Variants in SPACA3 observed in about 807,000 individuals in gnomAD.
The protein encoded by SPACA3 is sperm acrosome associated 3, also known as sperm acrosome membrane-associated protein 3.
A neutral mutation model predicts 24.5 loss-of-function variants in SPACA3; 21 were observed. The ratio of observed to expected loss-of-function variants is 0.86; its 90% confidence interval spans 0.61 to 1.24. The LOEUF is 1.24. Ranked by LOEUF, SPACA3 falls within the 50% of genes most tolerant of loss-of-function variation. SPACA3 has a pLI of 0.00. For missense variants in SPACA3, 278 were observed against 275.5 expected (o/e 1.01, Z -0.06); for synonymous variants, 115 against 106.9 (o/e 1.08, Z -0.47).
At chr17:32,993,916 G>C (rs1238773906) in intron 1 of SPACA3, among the ~76,000 whole-genome samples, 1 of 152,042 alleles carries the variant, frequency 6.6e-6, no homozygotes, top group Non-Finnish European at 1.5e-5. Context: ...AGCTTAGAGG[G>C]AAGATGGGCC....
At chr17:32,995,311 G>C (rs551229088) in intron 1 of SPACA3, 98 bp from the exon 2 acceptor site, 2 of 1,189,460 alleles carry the variant, frequency 1.7e-6, no homozygotes, top group African/African-American at 1.5e-5. Flanking sequence ...GGCTGGTCTC[G>C]GGGTCAGGGT....
chr17:32,997,343 G>GGA, intron 3 of SPACA3, 102 bp from the exon 4 acceptor site: 2 of 561,210 alleles, frequency 3.6e-6, no homozygotes, highest in African/African-American at 2.6e-5. Context: ...GTGTGTGTGT[G>GGA]TAGAGAGAGA....
chr17:32,997,152 G>A, intron 3 of SPACA3, 151 bp downstream of exon 3: 1 of 933,224 alleles, frequency 1.1e-6, no homozygotes, highest in Non-Finnish European at 1.6e-6. Flanking sequence ...GACAAGGGAT[G>A]AGGGTAGGTC....
intron 2 of SPACA3, among the ~76,000 whole-genome samples, chr17:32,996,455 C>G (rs77115820): frequency 0.14 from 20,844 of 147,598 alleles, 1,756 homozygotes; most frequent in African/African-American, 0.24. Context: ...CGCCACTACA[C>G]TGCAGCCTGG....
chr17:32,997,305 C>T lies in SPACA3; in HGVS notation c.503-140C>T, dbSNP rs778568217. On this transcript the variant is annotated intron_variant, in intron 3 of 4. Transcript: ENST00000269053. The stretch of plus-strand genomic sequence containing the variant: ...TGGTTGAGACAGGATTGGATTTAGG[C>T]GAGTGGAGTGTGTGTGTGTGTGTGT... 58 of 731,288 alleles carry T rather than the reference C, an allele frequency of 7.9e-5. 1 individual carries two copies. Among genetic ancestry groups the T allele is most frequent in the Middle Eastern group, 5.3e-4 (2 of 3,752 alleles). The allele number at this position is 731,288 out of a possible 1,614,324, so 45.3% of individuals were successfully genotyped here. A position where few individuals can be genotyped will look rare whatever the true frequency, so the allele number is the denominator to read the frequency against.
intron 1 of SPACA3, among the ~76,000 whole-genome samples, chr17:32,992,543 T>G (rs2091695848): frequency 6.6e-6 from 1 of 152,212 alleles, no homozygotes; most frequent in African/African-American, 2.4e-5. Flanking sequence ...GCCGCCGTTC[T>G]TCAGAAGTTA....
chr17:32,996,890 G>T lies in SPACA3; in HGVS notation c.391G>T (p.Asp131Tyr). Residue 131 changes from aspartate to tyrosine, a missense_variant, in exon 3 of 5, where the codon GAC becomes TAC. Physicochemically the swap from Asp to Tyr is radical, Grantham distance 160. Coordinates refer to ENST00000269053, the MANE Select transcript of SPACA3 (RefSeq NM_173847.5). ...AAGCGGTTTCAACGCAGCTGCTTTGGACTACGAGGCTGATGGGAGCACCAA... is the reference window on the plus strand; with the variant it reads ...AAGCGGTTTCAACGCAGCTGCTTTGTACTACGAGGCTGATGGGAGCACCAA... Reference protein sequence around the residue: ...FTSGFNAAALDYEADGSTNNG... With the variant: ...FTSGFNAAALYYEADGSTNNG... 1.9e-6 allele frequency: 3 copies of T among 1,609,888 alleles called. No individual in the cohort carries two copies. The highest frequency in any genetic ancestry group is 1.7e-4 in the Middle Eastern group (1 of 6,048).
intron 1 of SPACA3, among the ~76,000 whole-genome samples, chr17:32,994,039 C>G (rs2151127877): frequency 6.6e-6 from 1 of 152,194 alleles, no homozygotes. Context: ...GGAAGAAATT[C>G]CACAAGTGAG....
chr17:32,997,007 T>A lies in SPACA3; in HGVS notation c.502+6T>A. On this transcript the variant is annotated splice_donor_region_variant and intron_variant, in intron 3 of 4. Coordinates refer to ENST00000269053, the MANE Select transcript of SPACA3 (RefSeq NM_173847.5). Reference sequence around the variant, plus strand: ...GTGCCGGATGTACTGCTCAGGTAGCTGGGCCTGGGCCCAGGGCTGGCAGGA... The same window carrying A: ...GTGCCGGATGTACTGCTCAGGTAGCAGGGCCTGGGCCCAGGGCTGGCAGGA... 2 of 1,506,930 alleles carry A rather than the reference T, an allele frequency of 1.3e-6. No individual in the cohort carries two copies. The highest frequency in any genetic ancestry group is 1.8e-6 in the Non-Finnish European group (2 of 1,126,322). The allele number at this position is 1,506,930 out of a possible 1,614,324, so 93.3% of individuals were successfully genotyped here. A position where few individuals can be genotyped will look rare whatever the true frequency, so the allele number is the denominator to read the frequency against.
chr17:32,993,513 G>A (rs1432724836), intron 1 of SPACA3, among the ~76,000 whole-genome samples: 3 of 152,280 alleles, frequency 2.0e-5, no homozygotes, highest in Middle Eastern at 3.4e-3. Flanking sequence ...AGGGAGCATC[G>A]TGGAAACCAG....
intron 1 of SPACA3, among the ~76,000 whole-genome samples, chr17:32,994,503 T>C (rs1434927756): frequency 1.3e-5 from 2 of 152,130 alleles, no homozygotes; most frequent in Non-Finnish European, 2.9e-5. Context: ...GGACACCAAT[T>C]GGCACAAACA....
intron 1 of SPACA3, among the ~76,000 whole-genome samples, chr17:32,992,397 C>T (rs2091695036): frequency 6.6e-6 from 1 of 152,090 alleles, no homozygotes; most frequent in Non-Finnish European, 1.5e-5. Context: ...CTTCTCACTC[C>T]CCTCGCGGTG....
At chr17:32,994,910 G>C (rs1452687393) in intron 1 of SPACA3, among the ~76,000 whole-genome samples, 1 of 152,212 alleles carries the variant, frequency 6.6e-6, no homozygotes, top group Non-Finnish European at 1.5e-5. Context: ...GGTGGTGGGG[G>C]TGGAGGAGAC....
intron 2 of SPACA3, among the ~76,000 whole-genome samples, chr17:32,995,937 C>T (rs1481046960): frequency 6.6e-6 from 1 of 152,296 alleles, no homozygotes. Context: ...CCCTTCATTT[C>T]CCCCTGCTGC....
At position 32,995,377 on chromosome 17, in the gene SPACA3, G is replaced by A. The variant is rs767030995; in HGVS notation, c.35-32G>A. 20 of 1,559,210 alleles carry A rather than the reference G, an allele frequency of 1.3e-5. No homozygotes were observed. In the Admixed American group the frequency reaches 3.6e-4, roughly 28 times the overall value. On this transcript the variant is annotated intron_variant, in intron 1 of 4. Coordinates refer to ENST00000269053, the MANE Select transcript of SPACA3 (RefSeq NM_173847.5). ...ACGTGCTGCTGGAGCCTGGCCTTCT[G>A]CCCACCCCTTCTCTCCTCTCCCCTT...
rs2091716179 is a variant in SPACA3, at chr17:32,995,500, G to C, written c.126G>C (p.Gln42His). ...CATCCCAAAGCTCAGCTCTGAGCCA[G>C]AGTGGTGGTGGCTCCACCTCTGCCG... ...CLSSQSSALSQSGGGSTSAAG... is the reference protein window; with the variant it reads ...CLSSQSSALSHSGGGSTSAAG... Residue 42 changes from glutamine (Q) to histidine (H), a missense_variant, in exon 2 of 5, where the codon CAG becomes CAC. Transcript: ENST00000269053. 1 of 1,614,226 alleles carries C rather than the reference G, an allele frequency of 6.2e-7. No homozygotes were observed. Among genetic ancestry groups the C allele is most frequent in the East Asian group, 2.2e-5 (1 of 44,870 alleles).
intron 3 of SPACA3, 97 bp from the exon 4 acceptor site, chr17:32,997,342 TGTAGAG>T: frequency 1.4e-5 from 10 of 737,216 alleles, no homozygotes; most frequent in Admixed American, 2.3e-5. Context: ...TGTGTGTGTG[TGTAGAG>T]AGAGAGAGAG....
chr17:32,995,736 G>A lies in SPACA3; in HGVS notation c.343+19G>A, dbSNP rs749983803. ...GCTGACTGTGAGAACCCCTCTCCCT[G>A]GCGGGCCCTGACTTCCCCACACCTC... On this transcript the variant is annotated intron_variant, in intron 2 of 4. Transcript: ENST00000269053. 4 of 1,603,382 alleles carry A rather than the reference G, an allele frequency of 2.5e-6. No homozygotes were observed. Among genetic ancestry groups the A allele is most frequent in the Non-Finnish European group, 3.4e-6 (4 of 1,172,538 alleles).
intron 1 of SPACA3, among the ~76,000 whole-genome samples, chr17:32,994,387 A>G (rs2091709752): frequency 6.6e-6 from 1 of 152,182 alleles, no homozygotes. Context: ...GAGATGGAGC[A>G]AGGAGCAGAG....
Sources: allele counts gnomAD v4.1 joint callset (sites outside exome capture counted in the v4.1 genomes callset), GRCh38; gene constraint gnomAD v4.1.1; transcripts MANE v1.5; gene names NCBI Gene and HGNC (gene_info 2026-07-23, HGNC 2026-07-21).